Variants in MAGI3 observed in about 807,000 individuals in gnomAD.
MAGI3 encodes membrane-associated guanylate kinase, WW and PDZ domain-containing protein 3.
In MAGI3, 43 loss-of-function variants were observed where a neutral mutation model predicts 121.8. The ratio of observed to expected loss-of-function variants is 0.35; its 90% confidence interval spans 0.28 to 0.46. The LOEUF is 0.46. Ranked by LOEUF, MAGI3 falls within the 20% of genes least tolerant of loss-of-function variation. The pLI is 1.00. For synonymous variants in MAGI3, 553 were observed against 639.3 expected, an observed-to-expected ratio of 0.86 and a Z score of 2.04; for missense variants, 1,547 against 1,797.3, an observed-to-expected ratio of 0.86 and a Z score of 2.52.
intron 9 of MAGI3, among the ~76,000 whole-genome samples, chr1:113,635,197 T>C (rs1651925125): frequency 6.6e-6 from 1 of 152,216 alleles, no homozygotes; most frequent in South Asian, 2.1e-4. Flanking sequence ...GTTCCTCTTT[T>C]CCTAATTGAA....
intron 1 of MAGI3, among the ~76,000 whole-genome samples, chr1:113,494,878 A>T (rs1656842049): frequency 6.6e-6 from 1 of 152,124 alleles, no homozygotes; most frequent in African/African-American, 2.4e-5. Flanking sequence ...AACTAGCTAG[A>T]TTTTATTTGT....
intron 2 of MAGI3, among the ~76,000 whole-genome samples, chr1:113,566,688 T>G (rs906506668): frequency 6.6e-6 from 1 of 152,106 alleles, no homozygotes; most frequent in Non-Finnish European, 1.5e-5. Context: ...GTAAACAGTG[T>G]GTTCTTAAAC....
chr1:113,631,762 A>G (rs1651650169), intron 9 of MAGI3, among the ~76,000 whole-genome samples: 1 of 152,020 alleles, frequency 6.6e-6, no homozygotes, highest in Admixed American at 6.6e-5. Context: ...ATTAAATTGA[A>G]CTCCTATGTT....
At chr1:113,576,010 C>T (rs1450274628) in intron 2 of MAGI3, among the ~76,000 whole-genome samples, 1 of 152,140 alleles carries the variant, frequency 6.6e-6, no homozygotes, top group Non-Finnish European at 1.5e-5. Context: ...ACCACCTACT[C>T]AAGTCTCTGC....
At chr1:113,636,533 C>T (rs1303992211) in intron 9 of MAGI3, among the ~76,000 whole-genome samples, 12 of 151,888 alleles carry the variant, frequency 7.9e-5, no homozygotes, top group South Asian at 6.3e-4. Context: ...TGTAGTTGAG[C>T]GGTTTTGAGT....
rs773907630 is a variant in MAGI3, at chr1:113,681,350, C to T, written c.3328+14C>T. 3.7e-6 allele frequency: 6 copies of T among 1,609,082 alleles called. No individual in the cohort carries two copies. Among genetic ancestry groups the T allele is most frequent in the Middle Eastern group, 1.7e-4 (1 of 6,026 alleles). ...TACCTGACCATGGTAAGTAAAGTAG[C>T]CCACTAGTAGCTGAAAAGTTGTATA... is the stretch of plus-strand genomic sequence containing the variant. On this transcript the variant is annotated intron_variant, in intron 20 of 20. Coordinates refer to ENST00000307546, the MANE Select transcript of MAGI3 (RefSeq NM_001142782.2).
chr1:113,680,584 C>T (rs1648154612), intron 19 of MAGI3, among the ~76,000 whole-genome samples: 2 of 151,930 alleles, frequency 1.3e-5, no homozygotes, highest in Admixed American at 6.6e-5. Flanking sequence ...GGTGAAACCC[C>T]ATCTCTACTA....
intron 1 of MAGI3, among the ~76,000 whole-genome samples, chr1:113,527,332 A>C (rs909861962): frequency 6.6e-6 from 1 of 152,164 alleles, no homozygotes; most frequent in Non-Finnish European, 1.5e-5. Flanking sequence ...CAATAGGCAC[A>C]TGAATTTGGA....
rs79431431 is a variant in MAGI3, at chr1:113,654,214, T to G, written c.2629+196T>G. On this transcript the variant is annotated intron_variant, in intron 15 of 20. Transcript: ENST00000307546. ...TTCCAGGCTTCAAGTTTATCTATTATCTCACATTCTATAAAATATTTAATA... is the reference window on the plus strand; with the variant it reads ...TTCCAGGCTTCAAGTTTATCTATTAGCTCACATTCTATAAAATATTTAATA... 5.0e-3 allele frequency among the ~76,000 whole-genome samples: 758 copies of G among 152,372 alleles called. 3 individuals are homozygous for G. The highest frequency in any genetic ancestry group is 0.018 in the African/African-American group (739 of 41,588).
At chr1:113,569,928 G>T (rs549406696) in intron 2 of MAGI3, among the ~76,000 whole-genome samples, 7 of 152,112 alleles carry the variant, frequency 4.6e-5, no homozygotes, top group Admixed American at 1.3e-4. Flanking sequence ...GAATGTGCAG[G>T]TTTGTTGCAT....
chr1:113,623,246 G>T (rs1299438615), intron 9 of MAGI3, among the ~76,000 whole-genome samples: 1 of 151,698 alleles, frequency 6.6e-6, no homozygotes, highest in African/African-American at 2.4e-5. Flanking sequence ...CCACATCATA[G>T]AAAATGTGGT....
chr1:113,441,149 G>T (rs1653892075), intron 1 of MAGI3, among the ~76,000 whole-genome samples: 1 of 152,158 alleles, frequency 6.6e-6, no homozygotes, highest in East Asian at 1.9e-4. Context: ...TCCGGAAGAT[G>T]ATAGTATTCT....
chr1:113,474,697 T>G (rs994235932), intron 1 of MAGI3, among the ~76,000 whole-genome samples: 1 of 152,214 alleles, frequency 6.6e-6, no homozygotes, highest in Non-Finnish European at 1.5e-5. Flanking sequence ...TTGTTCTTTT[T>G]GCTTAGGATT....
intron 1 of MAGI3, among the ~76,000 whole-genome samples, chr1:113,416,191 A>AATGACACATATTAATTATG (rs1189866229): frequency 1.6e-5 from 1 of 62,300 alleles, no homozygotes; most frequent in African/African-American, 6.0e-5. Context: ...CATATTAATT[A>AATGACACATATTAATTATG]TGTAATTAAT....
chr1:113,634,776 A>G (rs1651897292), intron 9 of MAGI3, among the ~76,000 whole-genome samples: 1 of 152,140 alleles, frequency 6.6e-6, no homozygotes, highest in South Asian at 2.1e-4. Flanking sequence ...GAAGAAAGTC[A>G]TTGGTAGCTT....
At chr1:113,416,274 T>C (rs1362473137) in intron 1 of MAGI3, among the ~76,000 whole-genome samples, 1 of 33,618 alleles carries the variant, frequency 3.0e-5, no homozygotes, top group South Asian at 1.1e-3. Context: ...ATTATGTAAT[T>C]AATTACACAT....
At chr1:113,582,128 C>G (rs1648076873) in intron 3 of MAGI3, among the ~76,000 whole-genome samples, 1 of 151,988 alleles carries the variant, frequency 6.6e-6, no homozygotes, top group Non-Finnish European at 1.5e-5. Flanking sequence ...CATAGATTGG[C>G]AACAATTTTA....
chr1:113,452,510 A>C (rs1055323311), intron 1 of MAGI3, among the ~76,000 whole-genome samples: 4 of 151,586 alleles, frequency 2.6e-5, no homozygotes, highest in Non-Finnish European at 5.9e-5. Flanking sequence ...TTGTTCCCTT[A>C]AATTTTAATT....
chr1:113,667,877 G>A (rs1233928073), intron 16 of MAGI3, among the ~76,000 whole-genome samples: 5 of 152,180 alleles, frequency 3.3e-5, no homozygotes, highest in African/African-American at 1.2e-4. Context: ...AGGAGAGGGA[G>A]AAAGATGGGG....
Sources: allele counts gnomAD v4.1 joint callset (sites outside exome capture counted in the v4.1 genomes callset), GRCh38; gene constraint gnomAD v4.1.1; transcripts MANE v1.5; gene names NCBI Gene and HGNC (gene_info 2026-07-23, HGNC 2026-07-21).